MTA3: variants seen among roughly 807,000 people sequenced by gnomAD.
MTA3 encodes metastasis associated 1 family member 3.
MTA3 carries 34 observed loss-of-function variants against 83.5 expected under a neutral mutation model. The observed-to-expected ratio is 0.41, with a 90% CI of 0.31 to 0.54. The LOEUF (loss-of-function observed/expected upper bound fraction) is 0.54. MTA3 is among the 20% of genes least tolerant of loss of function. The pLI is 0.33. For missense variants in MTA3, 761 were observed against 726.4 expected, an observed-to-expected ratio of 1.05 and a Z score of -0.55; for synonymous variants, 303 against 252.7, an observed-to-expected ratio of 1.20 and a Z score of -1.89.
intron 4 of MTA3, among the ~76,000 whole-genome samples, chr2:42,628,699 A>T (rs1489965321): frequency 1.3e-5 from 2 of 151,726 alleles, no homozygotes; most frequent in East Asian, 3.9e-4. Context: ...AAAATACCAT[A>T]CAATTCTGGG....
At chr2:42,535,589 T>A (rs1052097349) in intron 2 of MTA3, among the ~76,000 whole-genome samples, 1 of 152,184 alleles carries the variant, frequency 6.6e-6, no homozygotes, top group East Asian at 1.9e-4. Flanking sequence ...TTGCATTTCA[T>A]TGGCTAGAAG....
intron 2 of MTA3, among the ~76,000 whole-genome samples, chr2:42,547,435 C>T (rs576296245): frequency 1.6e-4 from 25 of 152,388 alleles, no homozygotes; most frequent in Non-Finnish European, 1.9e-4. Flanking sequence ...TCAAGCGATT[C>T]TCGTGCCTCA....
At chr2:42,730,838 T>C (rs992460245) in intron 16 of MTA3, among the ~76,000 whole-genome samples, 2 of 152,186 alleles carry the variant, frequency 1.3e-5, no homozygotes, top group African/African-American at 4.8e-5. Context: ...GGTCCTGGGC[T>C]TTTTTTCTTT....
intron 4 of MTA3, among the ~76,000 whole-genome samples, chr2:42,610,661 G>T (rs1427673596): frequency 2.0e-5 from 3 of 152,182 alleles, no homozygotes; most frequent in East Asian, 3.9e-4. Flanking sequence ...CATCTTAGAG[G>T]TATTACAAAA....
intron 4 of MTA3, among the ~76,000 whole-genome samples, chr2:42,628,759 A>G (rs937668354): frequency 1.4e-5 from 2 of 142,252 alleles, no homozygotes; most frequent in African/African-American, 5.3e-5. Context: ...AGTATTGACA[A>G]AACATTTCCA....
intron 14 of MTA3, among the ~76,000 whole-genome samples, chr2:42,715,100 T>C (rs1252356131): frequency 2.6e-5 from 4 of 152,190 alleles, no homozygotes; most frequent in Non-Finnish European, 4.4e-5. Flanking sequence ...TCAGATTGCT[T>C]TCATTATCTG....
intron 2 of MTA3, among the ~76,000 whole-genome samples, chr2:42,575,039 G>A (rs1678893635): frequency 1.3e-5 from 2 of 152,120 alleles, no homozygotes; most frequent in South Asian, 2.1e-4. Flanking sequence ...TAATTACATC[G>A]AAATAGAAAT....
Position 42,608,267 on chromosome 2 carries a change from T to A in MTA3, c.191-1191T>A, listed in dbSNP as rs112690606. ...GTAAAGAGTGTAATTTTGTATGTGA[T>A]ATTTTCTAGTGCTAATAGTGCCAAT... On this transcript the variant is annotated intron_variant, in intron 3 of 16. Coordinates refer to ENST00000405094, the MANE Select transcript of MTA3 (RefSeq NM_001330442.2). Among the ~76,000 whole-genome samples the A allele has an allele frequency of 8.5e-5, 13 of 152,342 alleles. 1 individual carries two copies. The highest frequency in any genetic ancestry group is 3.1e-4 in the African/African-American group (13 of 41,588).
At chr2:42,709,453 T>C (rs1234786746) in intron 14 of MTA3, 5 of 342,716 alleles carry the variant, frequency 1.5e-5, no homozygotes, top group African/African-American at 2.2e-5. Flanking sequence ...CCCCTAAGGA[T>C]GCTGTTATAA....
chr2:42,521,782 T>A (rs1196879184), intron 2 of MTA3, among the ~76,000 whole-genome samples: 1 of 127,628 alleles, frequency 7.8e-6, no homozygotes, highest in Non-Finnish European at 1.6e-5. Context: ...TGAGACAGAG[T>A]CTCACTCTGT....
intron 3 of MTA3, among the ~76,000 whole-genome samples, chr2:42,602,734 G>C (rs116104298): frequency 8.5e-5 from 13 of 152,262 alleles, no homozygotes; most frequent in African/African-American, 3.1e-4. Context: ...TTTTAGCTGA[G>C]TTAGCAGGAT....
intron 12 of MTA3, among the ~76,000 whole-genome samples, chr2:42,705,053 C>T (rs540970878): frequency 6.6e-6 from 1 of 152,084 alleles, no homozygotes; most frequent in South Asian, 2.1e-4. Context: ...ACTTGGTGCC[C>T]CATTTTGGGT....
intron 4 of MTA3, among the ~76,000 whole-genome samples, chr2:42,625,044 T>G (rs1685939791): frequency 6.6e-6 from 1 of 152,126 alleles, no homozygotes; most frequent in Admixed American, 6.6e-5. Flanking sequence ...ACTTTTTTAT[T>G]TTTTTGAGAT....
intron 9 of MTA3, among the ~76,000 whole-genome samples, chr2:42,689,938 G>C (rs1436911438): frequency 6.7e-6 from 1 of 148,530 alleles, no homozygotes; most frequent in East Asian, 1.9e-4. Flanking sequence ...CCTTTACATT[G>C]CTTTGGACTT....
chr2:42,605,210 G>C (rs1293101438), intron 3 of MTA3, among the ~76,000 whole-genome samples: 3 of 138,434 alleles, frequency 2.2e-5, no homozygotes, highest in Admixed American at 7.0e-5. Flanking sequence ...GCCGGGCGGG[G>C]GGGCTGACCC....
At chr2:42,549,731 A>G (rs565400654) in intron 2 of MTA3, among the ~76,000 whole-genome samples, 239 of 135,876 alleles carry the variant, frequency 1.8e-3, no homozygotes, top group Non-Finnish European at 2.8e-3. Flanking sequence ...TATATATTAT[A>G]TATGTATATA....
chr2:42,564,236 C>T (rs964341197), upstream of MTA3, among the ~76,000 whole-genome samples: 3 of 152,154 alleles, frequency 2.0e-5, no homozygotes, highest in Admixed American at 2.0e-4. Context: ...TTTTCTACTA[C>T]CTAAAGGTAA....
Position 42,695,827 on chromosome 2 carries a change from A to T in MTA3, c.954A>T (p.Arg318Ser). The T allele has an allele frequency of 6.3e-7, 1 of 1,584,160 alleles. No individual in the cohort carries two copies. Among genetic ancestry groups the T allele is most frequent in the Non-Finnish European group, 8.6e-7 (1 of 1,163,642 alleles). The part of the protein sequence containing the change: ...EYYYMWKTTD[R>S]YVQQKRLKAA... ...ATTACATGTGGAAAACTACTGACAGATATGTGCAACAGGTAATTTTTTTCA... is the reference window on the plus strand; with the variant it reads ...ATTACATGTGGAAAACTACTGACAGTTATGTGCAACAGGTAATTTTTTTCA... Residue 318 changes from arginine to serine, a missense_variant, in exon 10 of 17, where the codon AGA becomes AGT. Transcript: ENST00000405094.
At chr2:42,497,471 G>A (rs1572879505) in intron 2 of MTA3, among the ~76,000 whole-genome samples, 1 of 151,490 alleles carries the variant, frequency 6.6e-6, no homozygotes, top group Admixed American at 6.6e-5. Flanking sequence ...TGTAATCCCA[G>A]CTACTCAGGA....
Sources: allele counts gnomAD v4.1 joint callset (sites outside exome capture counted in the v4.1 genomes callset), GRCh38; gene constraint gnomAD v4.1.1; transcripts MANE v1.5; gene names NCBI Gene and HGNC (gene_info 2026-07-23, HGNC 2026-07-21).